SLC49A4: variants seen among roughly 807,000 people sequenced by gnomAD.
The protein encoded by SLC49A4 is disrupted in renal cancer protein 2.
Under a neutral mutation model 50.6 loss-of-function variants are expected in SLC49A4, and 36 were observed. The observed-to-expected ratio is 0.71, with a 90% CI of 0.55 to 0.94. The LOEUF (loss-of-function observed/expected upper bound fraction) is 0.94. Among genes scored for constraint, SLC49A4 ranks in the 40% least tolerant of loss-of-function variants. The pLI is 0.00. For synonymous variants in SLC49A4, 248 were observed against 241.2 expected (o/e 1.03, Z -0.26); for missense variants, 503 against 605.7 (o/e 0.83, Z 1.78).
intron 4 of SLC49A4, among the ~76,000 whole-genome samples, chr3:122,842,874 G>A (rs1251365299): frequency 2.0e-5 from 3 of 152,160 alleles, no homozygotes; most frequent in African/African-American, 7.2e-5. Flanking sequence ...GGGCTCTCCA[G>A]GGGAGTTCTG....
rs539059763 is a variant in SLC49A4 at position 122,856,709 on chromosome 3, G to T, written c.1010+335G>T. Among the ~76,000 whole-genome samples, 41 of 152,096 alleles carry T rather than the reference G, an allele frequency of 2.7e-4. No homozygotes were observed. The South Asian group carries it at 5.2e-3, about 19-fold the overall frequency. On this transcript the variant is annotated intron_variant, in intron 6 of 8. Transcript: ENST00000261038. ...AAATTACCTGGGTGTGGTGATGAGC[G>T]CCTGTAGTCCCAGCTACCAGGGAGG...
At chr3:122,847,510 A>T (rs775636560) in intron 5 of SLC49A4, among the ~76,000 whole-genome samples, 5 of 151,884 alleles carry the variant, frequency 3.3e-5, no homozygotes, top group Non-Finnish European at 7.4e-5. Context: ...ACACCCGGCT[A>T]ATTTTTTTGT....
At chr3:122,800,063 G>T (rs141121403) in intron 1 of SLC49A4, among the ~76,000 whole-genome samples, 27 of 152,258 alleles carry the variant, frequency 1.8e-4, no homozygotes, top group Non-Finnish European at 3.8e-4. Context: ...GTATATTTGG[G>T]AGTTGTCAGC....
chr3:122,800,125 TAAAAAAA>T (rs144335913), intron 1 of SLC49A4, among the ~76,000 whole-genome samples: 1 of 151,836 alleles, frequency 6.6e-6, no homozygotes, highest in Non-Finnish European at 1.5e-5. Flanking sequence ...TCTTATTGGT[TAAAAAAA>T]AGAAAAAAGA....
chr3:122,827,620 A>C (rs1936550739), intron 3 of SLC49A4, among the ~76,000 whole-genome samples: 1 of 151,968 alleles, frequency 6.6e-6, no homozygotes. Context: ...GCCCTGGTCC[A>C]CTCTTATAGT....
chr3:122,832,555 C>G (rs963047761), intron 3 of SLC49A4, among the ~76,000 whole-genome samples: 1 of 152,154 alleles, frequency 6.6e-6, no homozygotes, highest in African/African-American at 2.4e-5. Context: ...ATGCATCAGA[C>G]TATCCTATTA....
At chr3:122,804,652 A>G (rs1031646836) in intron 1 of SLC49A4, among the ~76,000 whole-genome samples, 17 of 152,128 alleles carry the variant, frequency 1.1e-4, no homozygotes, top group African/African-American at 3.4e-4. Context: ...TTTATTTTTC[A>G]TTTTTGTATT....
At chr3:122,862,075 T>A (rs1048945062) in intron 7 of SLC49A4, among the ~76,000 whole-genome samples, 2 of 152,214 alleles carry the variant, frequency 1.3e-5, no homozygotes, top group Non-Finnish European at 2.9e-5. Flanking sequence ...CCAAAACTTT[T>A]AAAAGTCTTG....
chr3:122,859,407 C>G (rs184899387), intron 6 of SLC49A4, among the ~76,000 whole-genome samples: 1 of 152,288 alleles, frequency 6.6e-6, no homozygotes, highest in Admixed American at 6.5e-5. Context: ...TGTGTTTGTT[C>G]TCTAAGTGAG....
At chr3:122,826,661 T>G in intron 2 of SLC49A4, 139 bp from the exon 3 acceptor site, 1 of 806,510 alleles carries the variant, frequency 1.2e-6, no homozygotes, top group South Asian at 1.8e-5. Flanking sequence ...TAAATCAACA[T>G]GTCTTTTAGG....
intron 1 of SLC49A4, among the ~76,000 whole-genome samples, chr3:122,800,784 C>CT (rs1266759897): frequency 1.3e-5 from 2 of 150,874 alleles, no homozygotes; most frequent in East Asian, 1.9e-4. Context: ...GTTATCTTTG[C>CT]TTTTTTCCCC....
In SLC49A4 at chr3:122,804,943, A is replaced by G. The variant is rs142505535; in HGVS notation, c.344-1914A>G. ...AGCCTGGTTATTGGACCATATGGCC[A>G]TAAACAGTGCCTCACTGCTTGCTTA... On this transcript the variant is annotated intron_variant, in intron 1 of 8. Coordinates refer to ENST00000261038, the MANE Select transcript of SLC49A4 (RefSeq NM_032839.3). 7.9e-5 allele frequency among the ~76,000 whole-genome samples: 12 copies of G among 152,384 alleles called. No individual in the cohort carries two copies. The East Asian group carries it at 2.3e-3, about 29-fold the overall frequency.
At chr3:122,866,321 T>G (rs1368993104) in intron 7 of SLC49A4, among the ~76,000 whole-genome samples, 1 of 151,664 alleles carries the variant, frequency 6.6e-6, no homozygotes, top group Non-Finnish European at 1.5e-5. Flanking sequence ...GGATTGCAGA[T>G]GTGAGCCCCA....
At chr3:122,816,923 G>A (rs1354741174) in intron 2 of SLC49A4, among the ~76,000 whole-genome samples, 1 of 152,138 alleles carries the variant, frequency 6.6e-6, no homozygotes, top group East Asian at 1.9e-4. Flanking sequence ...TGTGAGGAGC[G>A]CTTTTACTCC....
chr3:122,799,931 A>C (rs577280077), intron 1 of SLC49A4, among the ~76,000 whole-genome samples: 1 of 152,310 alleles, frequency 6.6e-6, no homozygotes, highest in East Asian at 1.9e-4. Context: ...TGGTAGAGAG[A>C]GCAATTTTGG....
chr3:122,798,484 A>C (rs770726900), intron 1 of SLC49A4, among the ~76,000 whole-genome samples: 2 of 152,062 alleles, frequency 1.3e-5, no homozygotes, highest in Non-Finnish European at 2.9e-5. Flanking sequence ...AATACATTTA[A>C]AAATTCTCTT....
chr3:122,860,475 A>G (rs1036523074), intron 7 of SLC49A4, among the ~76,000 whole-genome samples: 2 of 152,236 alleles, frequency 1.3e-5, no homozygotes, highest in Non-Finnish European at 2.9e-5. Context: ...TAAAATTTCT[A>G]TCAGAGCATA....
At chr3:122,798,634 CTTTTTTTTT>C (rs71136594) in intron 1 of SLC49A4, among the ~76,000 whole-genome samples, 9 of 62,842 alleles carry the variant, frequency 1.4e-4, no homozygotes, top group East Asian at 5.4e-4. Flanking sequence ...ACTAAAATAT[CTTTTTTTTT>C]TTTTTTTTTT....
Position 122,872,433 on chromosome 3 carries a change from G to A in SLC49A4, c.1157G>A (p.Cys386Tyr). Residue 386 changes from cysteine (C) to tyrosine (Y), a missense_variant, in exon 8 of 9, where the codon TGT becomes TAT. Cys to Tyr is a radical substitution (Grantham distance 194, BLOSUM62 -2). Transcript: ENST00000261038. ...ATTTTAGTGACATTGTATGCCTCCT[G>A]TATTCTCCTGGGAGTGTTCTTGAAT... ...PLTTVTLYAS[C>Y]ILLGVFLNSS... 3 of 1,611,242 alleles carry A rather than the reference G, an allele frequency of 1.9e-6. No homozygotes were observed. Among genetic ancestry groups the A allele is most frequent in the Non-Finnish European group, 2.5e-6 (3 of 1,179,278 alleles).
Sources: allele counts gnomAD v4.1 joint callset (sites outside exome capture counted in the v4.1 genomes callset), GRCh38; gene constraint gnomAD v4.1.1; transcripts MANE v1.5; gene names NCBI Gene and HGNC (gene_info 2026-07-23, HGNC 2026-07-21).